ESYT2: variants seen among roughly 807,000 people sequenced by gnomAD.
ESYT2 encodes extended synaptotagmin-2.
ESYT2 carries 54 observed loss-of-function variants against 107.2 expected under a neutral mutation model. That is an observed-to-expected ratio of 0.50 (90% confidence interval 0.40 to 0.63). The LOEUF is 0.63. Among genes scored for constraint, ESYT2 ranks in the 30% least tolerant of loss-of-function variants. The pLI is 0.00. For missense variants in ESYT2, 1,020 were observed against 1,094.5 expected (o/e 0.93, Z 0.96); for synonymous variants, 491 against 434.1 (o/e 1.13, Z -1.63).
chr7:158,794,923 C>T (rs1839415685), intron 3 of ESYT2, among the ~76,000 whole-genome samples: 1 of 152,294 alleles, frequency 6.6e-6, no homozygotes, highest in African/African-American at 2.4e-5. Context: ...CTCCCAAGTT[C>T]CCAGGCTTTT....
At chr7:158,826,176 C>A (rs903769706) in intron 1 of ESYT2, among the ~76,000 whole-genome samples, 5 of 152,172 alleles carry the variant, frequency 3.3e-5, no homozygotes, top group Non-Finnish European at 5.9e-5. Context: ...ACCATGCAAC[C>A]TGCTGGTTTT....
intron 1 of ESYT2, among the ~76,000 whole-genome samples, chr7:158,817,553 T>C (rs1290554728): frequency 6.6e-6 from 1 of 152,202 alleles, no homozygotes; most frequent in African/African-American, 2.4e-5. Flanking sequence ...CTTCCAGGTG[T>C]CCCACCTTTC....
Position 158,759,599 on chromosome 7 carries a change from A to G in ESYT2, c.1324-18T>C. On this transcript the variant is annotated intron_variant, in intron 12 of 22. Coordinates refer to ENST00000275418, the MANE Select transcript of ESYT2 (RefSeq NM_001367773.1). ...GTTAGCACCTAAAAGGAAAGGAAAA[A>G]GCCCTTAGCAGCCATGTTTCCACAG... 6.3e-7 allele frequency: 1 copy of G among 1,581,268 alleles called. No individual in the cohort carries two copies. Among genetic ancestry groups the G allele is most frequent in the Non-Finnish European group, 8.7e-7 (1 of 1,154,288 alleles).
At position 158,782,662 on chromosome 7, in the gene ESYT2, A is replaced by C. The variant is rs531558471; in HGVS notation, c.747+5342T>G. ...TGTGAGAACAAAGAAGTATTAAAGA[A>C]CAAGTGTGAGAACAAATGTGAGAAT... On this transcript the variant is annotated intron_variant, in intron 6 of 22. Coordinates refer to ENST00000275418, the MANE Select transcript of ESYT2 (RefSeq NM_001367773.1). 6.6e-5 allele frequency among the ~76,000 whole-genome samples: 10 copies of C among 152,188 alleles called. No individual in the cohort carries two copies. The South Asian group carries it at 2.1e-3, about 32-fold the overall frequency.
At chr7:158,762,513 A>C (rs1211092025) in intron 10 of ESYT2, among the ~76,000 whole-genome samples, 1 of 152,156 alleles carries the variant, frequency 6.6e-6, no homozygotes, top group Non-Finnish European at 1.5e-5. Context: ...TAATTCAGTC[A>C]AATAACTTAA....
intron 1 of ESYT2, among the ~76,000 whole-genome samples, chr7:158,822,094 T>G (rs1840301013): frequency 6.6e-6 from 1 of 152,048 alleles, no homozygotes; most frequent in East Asian, 1.9e-4. Context: ...CTGCATAGAG[T>G]GGGTCCTTAC....
At chr7:158,796,594 G>GT (rs1451187604) in intron 3 of ESYT2, among the ~76,000 whole-genome samples, 1 of 152,246 alleles carries the variant, frequency 6.6e-6, no homozygotes, top group Non-Finnish European at 1.5e-5. Context: ...ACAGAAGAAC[G>GT]TGGAGCAGAA....
chr7:158,735,368 A>T (rs1050890709), intron 21 of ESYT2, 135 bp downstream of exon 21: 3 of 669,804 alleles, frequency 4.5e-6, no homozygotes, highest in Non-Finnish European at 7.8e-6. Flanking sequence ...TTTATAGCCC[A>T]TGATTTATAA....
intron 4 of ESYT2, among the ~76,000 whole-genome samples, chr7:158,790,918 A>T (rs1166761249): frequency 6.6e-6 from 1 of 152,026 alleles, no homozygotes; most frequent in East Asian, 1.9e-4. Context: ...ACAGAGTGAG[A>T]CTCTGTCTCA....
At chr7:158,786,675 A>G (rs1034071018) in intron 6 of ESYT2, among the ~76,000 whole-genome samples, 1 of 152,254 alleles carries the variant, frequency 6.6e-6, no homozygotes, top group Admixed American at 6.5e-5. Context: ...TACAAGCTGT[A>G]GTAAACTTAG....
rs1444545684 is a variant in ESYT2 at position 158,784,061 on chromosome 7, A to G, written c.747+3943T>C. On this transcript the variant is annotated intron_variant, in intron 6 of 22. Coordinates refer to ENST00000275418, the MANE Select transcript of ESYT2 (RefSeq NM_001367773.1). ...CCCGCCAAAGACACAAGGCACAGGGAGGAGGAGGAGGGTCTCTGGGAGAGC... is the reference window on the plus strand; with the variant it reads ...CCCGCCAAAGACACAAGGCACAGGGGGGAGGAGGAGGGTCTCTGGGAGAGC... Among the ~76,000 whole-genome samples the G allele has an allele frequency of 8.6e-5, 13 of 151,354 alleles. No homozygotes were observed. In the Admixed American group the frequency reaches 8.9e-4, roughly 10 times the overall value.
chr7:158,824,459 A>G (rs1840379260), intron 1 of ESYT2, among the ~76,000 whole-genome samples: 1 of 152,352 alleles, frequency 6.6e-6, no homozygotes, highest in East Asian at 1.9e-4. Flanking sequence ...ATGAGATCAC[A>G]GTGCATTATT....
chr7:158,746,286 ATG>A (rs996610479), intron 16 of ESYT2, among the ~76,000 whole-genome samples: 4 of 151,828 alleles, frequency 2.6e-5, no homozygotes, highest in African/African-American at 9.7e-5. Context: ...TTAGCTGGGT[ATG>A]GTGGCATGCA....
At chr7:158,827,120 G>T (rs1383665658) in intron 1 of ESYT2, among the ~76,000 whole-genome samples, 1 of 146,752 alleles carries the variant, frequency 6.8e-6, no homozygotes, top group African/African-American at 2.6e-5. Context: ...CCGAGATCAC[G>T]CCATTGCACT....
At chr7:158,735,886 T>C (rs1836925600) in intron 20 of ESYT2, among the ~76,000 whole-genome samples, 2 of 152,114 alleles carry the variant, frequency 1.3e-5, no homozygotes, top group South Asian at 4.1e-4. Flanking sequence ...GGAGCGTCTC[T>C]CAACATGTCT....
intron 6 of ESYT2, among the ~76,000 whole-genome samples, chr7:158,786,698 G>A (rs1839128026): frequency 6.6e-6 from 1 of 152,190 alleles, no homozygotes; most frequent in African/African-American, 2.4e-5. Flanking sequence ...TATGTCAGGT[G>A]TAGATAAACC....
chr7:158,749,521 CCTGGTCT>C, intron 15 of ESYT2, 121 bp downstream of exon 15: 1 of 768,226 alleles, frequency 1.3e-6, no homozygotes, highest in East Asian at 2.7e-5. Context: ...TCTGAAAAGC[CCTGGTCT>C]CGATGCCCAC....
intron 1 of ESYT2, among the ~76,000 whole-genome samples, chr7:158,817,146 G>C (rs997144826): frequency 6.6e-6 from 1 of 152,134 alleles, no homozygotes; most frequent in African/African-American, 2.4e-5. Flanking sequence ...GCATTCCAAA[G>C]TTAACCTGTA....
intron 6 of ESYT2, among the ~76,000 whole-genome samples, chr7:158,782,102 A>C (rs1838868658): frequency 6.6e-6 from 1 of 150,970 alleles, no homozygotes; most frequent in African/African-American, 2.4e-5. Flanking sequence ...AGTGAACGAC[A>C]ACAAAGTGTG....
Sources: gnomAD v4.1 joint callset for allele counts (sites outside exome capture counted in the v4.1 genomes callset) on GRCh38, gnomAD v4.1.1 for gene constraint, MANE v1.5 for transcripts, NCBI Gene and HGNC (gene_info 2026-07-23, HGNC 2026-07-21) for gene names.